The following BIN2 variants were observed in gnomAD, a reference collection of about 807,000 sequenced individuals.
BIN2 encodes bridging integrator 2.
BIN2 carries 43 observed loss-of-function variants against 67.9 expected under a neutral mutation model. The ratio of observed to expected loss-of-function variants is 0.63; its 90% CI spans 0.50 to 0.82. BIN2 has a LOEUF of 0.82. Among genes scored for constraint, BIN2 ranks in the 40% least tolerant of loss-of-function variants. The probability of loss-of-function intolerance (pLI) is 0.00; values close to 1 mark genes in which losing one functional copy is unlikely to be tolerated. For synonymous variants in BIN2, 244 were observed against 246.8 expected, an observed-to-expected ratio of 0.99 and a Z score of 0.11; for missense variants, 581 against 671.6, an observed-to-expected ratio of 0.87 and a Z score of 1.49.
At chr12:51,288,433 G>A (rs917283812) in intron 10 of BIN2, among the ~76,000 whole-genome samples, 9 of 152,146 alleles carry the variant, frequency 5.9e-5, no homozygotes, top group African/African-American at 2.2e-4. Flanking sequence ...ACCGCTGACT[G>A]CTCTATAAAC....
chr12:51,285,598 C>G (rs1323358643), intron 11 of BIN2, among the ~76,000 whole-genome samples: 1 of 150,642 alleles, frequency 6.6e-6, no homozygotes, highest in African/African-American at 2.4e-5. Flanking sequence ...AAAACAGAAC[C>G]AATTTCTTTT....
At chr12:51,324,286 G>A (rs1946375253), upstream of BIN2, 4 of 1,395,998 alleles carry the variant, frequency 2.9e-6, no homozygotes, top group Non-Finnish European at 3.7e-6. Flanking sequence ...GGAGCAGGCC[G>A]GCTCGGAGGG....
At chr12:51,298,054 T>C (rs1245743164) in intron 7 of BIN2, among the ~76,000 whole-genome samples, 1 of 151,026 alleles carries the variant, frequency 6.6e-6, no homozygotes, top group Non-Finnish European at 1.5e-5. Context: ...GAGACCAGCC[T>C]GTCCAACAGG....
intron 12 of BIN2, among the ~76,000 whole-genome samples, chr12:51,283,775 A>G (rs898384156): frequency 2.0e-5 from 3 of 152,140 alleles, no homozygotes; most frequent in East Asian, 1.9e-4. Context: ...CAGGTGCATC[A>G]TCTGAGGTCG....
upstream of BIN2, chr12:51,324,518 C>T: frequency 7.2e-6 from 11 of 1,531,072 alleles, no homozygotes; most frequent in Non-Finnish European, 9.6e-6. Flanking sequence ...CCTACCATAT[C>T]GAAAACACGT....
intron 11 of BIN2, 77 bp from the exon 12 acceptor site, chr12:51,284,864 C>T: frequency 9.5e-7 from 1 of 1,054,892 alleles, no homozygotes; most frequent in Non-Finnish European, 1.5e-6. Flanking sequence ...TCTTCTGTGC[C>T]TTATACTTTA....
chr12:51,297,844 A>T (rs1315065843), intron 7 of BIN2, among the ~76,000 whole-genome samples: 1 of 152,190 alleles, frequency 6.6e-6, no homozygotes, highest in Non-Finnish European at 1.5e-5. Context: ...GTAAGTAATT[A>T]TTCTTTCCCT....
At chr12:51,309,130 C>A (rs12580599) in intron 2 of BIN2, among the ~76,000 whole-genome samples, 51,958 of 151,728 alleles carry the variant, frequency 0.34, 9,235 homozygotes, top group Middle Eastern at 0.43. Context: ...ATGACCAACC[C>A]GTTCAACTTC....
rs145156264 is a variant in BIN2, at chr12:51,309,360, T to C, written c.162+4463A>G. 7.9e-3 allele frequency among the ~76,000 whole-genome samples: 1,202 copies of C among 152,286 alleles called. 16 individuals carry two copies. The highest frequency in any genetic ancestry group is 0.027 in the African/African-American group (1,135 of 41,556). ...ACTGTATTGTCACTGTCTTCCTCCA[T>C]AAACTAAGAGCCTTGAGGGCAGGCA... On this transcript the variant is annotated intron_variant, in intron 2 of 12. Transcript: ENST00000615107.
intron 5 of BIN2, among the ~76,000 whole-genome samples, chr12:51,300,249 T>C (rs74093809): frequency 0.036 from 5,494 of 152,034 alleles, 252 homozygotes; most frequent in East Asian, 0.15. Context: ...TGGAAATCTG[T>C]ATTAATTATA....
chr12:51,324,289 T>C, upstream of BIN2: 1 of 1,398,206 alleles, frequency 7.2e-7, no homozygotes, highest in Admixed American at 3.1e-5. Flanking sequence ...GCAGGCCGGC[T>C]CGGAGGGGCG....
At chr12:51,284,853 G>A (rs1945199255) in intron 11 of BIN2, 66 bp from the exon 12 acceptor site, 1 of 1,148,342 alleles carries the variant, frequency 8.7e-7, no homozygotes, top group African/African-American at 1.5e-5. Context: ...GCATAGAAGT[G>A]TCTTCTGTGC....
At chr12:51,299,075 GAAAAA>G in intron 7 of BIN2, 123 bp downstream of exon 7, 1 of 480,298 alleles carries the variant, frequency 2.1e-6, no homozygotes. Context: ...ACCCTGTCTC[GAAAAA>G]AAAAAAAAGG....
intron 1 of BIN2, among the ~76,000 whole-genome samples, chr12:51,320,934 AAAACACACACACACACAC>A (rs1158160841): frequency 2.6e-5 from 1 of 39,082 alleles, no homozygotes; most frequent in African/African-American, 1.0e-4. Context: ...TATCATACTA[AAAACACACACACACACAC>A]AAACACACAC....
At chr12:51,324,538 C>G (rs560997196), upstream of BIN2, 854 of 1,530,394 alleles carry the variant, frequency 5.6e-4, 1 homozygote, top group Non-Finnish European at 6.9e-4. Flanking sequence ...TTTAGGTTCT[C>G]TGAGTATGCA....
chr12:51,307,054 G>A (rs1490663370), intron 2 of BIN2, among the ~76,000 whole-genome samples: 3 of 152,086 alleles, frequency 2.0e-5, no homozygotes, highest in African/African-American at 7.2e-5. Flanking sequence ...GGAGGCCGAG[G>A]CGGGCAGATT....
intron 1 of BIN2, among the ~76,000 whole-genome samples, chr12:51,320,285 G>C (rs1475833645): frequency 2.0e-5 from 3 of 152,168 alleles, no homozygotes; most frequent in Non-Finnish European, 4.4e-5. Context: ...CTCCCAAAGT[G>C]TTGGGATTAC....
At chr12:51,322,944 G>A (rs1403466641) in intron 1 of BIN2, 1 of 152,160 alleles carries the variant, frequency 6.6e-6, no homozygotes, top group Non-Finnish European at 1.5e-5. Context: ...TTGCCTTTAA[G>A]CCTTCCCAGG....
chr12:51,320,076 C>T (rs1946231553), intron 1 of BIN2, among the ~76,000 whole-genome samples: 1 of 152,122 alleles, frequency 6.6e-6, no homozygotes, highest in African/African-American at 2.4e-5. Context: ...ACCTCCACCT[C>T]CCAGATTCAA....
Sources: gnomAD v4.1 joint callset for allele counts (sites outside exome capture counted in the v4.1 genomes callset) on GRCh38, gnomAD v4.1.1 for gene constraint, MANE v1.5 for transcripts, NCBI Gene and HGNC (gene_info 2026-07-23, HGNC 2026-07-21) for gene names.